RPH3A: variants seen among roughly 807,000 people sequenced by gnomAD.
RPH3A encodes rabphilin-3A.
In RPH3A, 48 loss-of-function variants were observed where a neutral mutation model predicts 102.2. The observed-to-expected ratio is 0.47, with a 90% CI of 0.37 to 0.60. The LOEUF is 0.60. RPH3A is among the 20% of genes least tolerant of loss of function. The pLI is 0.00. For synonymous variants in RPH3A, 310 were observed against 324.3 expected (o/e 0.96, Z 0.47); for missense variants, 781 against 910.1 (o/e 0.86, Z 1.83).
intron 1 of RPH3A, among the ~76,000 whole-genome samples, chr12:112,632,156 C>A (rs1339000909): frequency 6.6e-6 from 1 of 152,122 alleles, no homozygotes; most frequent in Non-Finnish European, 1.5e-5. Context: ...TGCTGCCATC[C>A]ATGTAAGACG....
chr12:112,876,611 C>CT, intron 12 of RPH3A, 31 bp from the exon 13 acceptor site: 1 of 1,477,816 alleles, frequency 6.8e-7, no homozygotes, highest in South Asian at 1.3e-5. Context: ...AGGGATGCAG[C>CT]TGCATGTTTC....
intron 1 of RPH3A, among the ~76,000 whole-genome samples, chr12:112,760,129 C>G (rs1484268718): frequency 1.3e-5 from 2 of 152,186 alleles, no homozygotes; most frequent in African/African-American, 2.4e-5. Context: ...AGCCCCACAT[C>G]AGTTTCTAGA....
chr12:112,890,734 C>A, intron 18 of RPH3A, 115 bp from the exon 19 acceptor site: 1 of 1,182,342 alleles, frequency 8.5e-7, no homozygotes, highest in Non-Finnish European at 1.2e-6. Context: ...GGTACTGGCT[C>A]CCTAGAGCTG....
Position 112,580,394 on chromosome 12 carries a change from C to CTTT in RPH3A, c.-140+5098_-140+5100dup, listed in dbSNP as rs773931202. 0.062 allele frequency among the ~76,000 whole-genome samples: 4,751 copies of CTTT among 76,920 alleles called. 839 individuals are homozygous for CTTT. The East Asian group carries it at 0.67, about 11-fold the overall frequency. The allele number at this position is 76,920 out of a possible 152,430, so 50.5% of individuals were successfully genotyped here. A position where few individuals can be genotyped will look rare whatever the true frequency, so the allele number is the denominator to read the frequency against. On this transcript the variant is annotated intron_variant, in intron 1 of 21. Transcript: ENST00000543106. ...GACTTAGCAGACACTTTTGTCTTGT[C>CTTT]TTTTTTTTTTTTTTTTTTTTTTTTT... is the stretch of plus-strand genomic sequence containing the variant.
intron 1 of RPH3A, among the ~76,000 whole-genome samples, chr12:112,673,481 C>G (rs1232329830): frequency 6.6e-6 from 1 of 151,870 alleles, no homozygotes; most frequent in East Asian, 1.9e-4. Context: ...CAGGTGCATG[C>G]CACCATCCCT....
chr12:112,735,735 A>G lies in RPH3A; in HGVS notation c.-139-56408A>G, dbSNP rs114274079. On this transcript the variant is annotated intron_variant, in intron 1 of 21. Coordinates refer to the RPH3A transcript ENST00000543106. ...AGCAGCCTGGCTTCATGGTGTCCTG[A>G]CCTTGGTCTTCCCCACCTCCCCCCA... Among the ~76,000 whole-genome samples the G allele has an allele frequency of 6.6e-3, 1,009 of 152,108 alleles. 13 individuals are homozygous for G. The highest frequency in any genetic ancestry group is 0.023 in the African/African-American group (970 of 41,494).
chr12:112,875,020 G>A, intron 10 of RPH3A, 64 bp from the exon 11 acceptor site: 1 of 1,417,036 alleles, frequency 7.1e-7, no homozygotes, highest in Non-Finnish European at 9.7e-7. Flanking sequence ...GTGGTCCCAA[G>A]CTCCTTCCTG....
intron 1 of RPH3A, among the ~76,000 whole-genome samples, chr12:112,659,053 TTG>T (rs1471928378): frequency 6.6e-6 from 1 of 152,202 alleles, no homozygotes; most frequent in Non-Finnish European, 1.5e-5. Context: ...TACAGAAAAG[TTG>T]TGAGTACAGC....
chr12:112,723,074 C>T (rs1485261114), intron 1 of RPH3A, among the ~76,000 whole-genome samples: 1 of 152,106 alleles, frequency 6.6e-6, no homozygotes, highest in African/African-American at 2.4e-5. Context: ...CGAAATTGTT[C>T]ATCTATCTCA....
At chr12:112,795,620 T>C (rs1337224555) in intron 2 of RPH3A, among the ~76,000 whole-genome samples, 1 of 152,206 alleles carries the variant, frequency 6.6e-6, no homozygotes, top group African/African-American at 2.4e-5. Flanking sequence ...GACAAGGCCC[T>C]TAATCTCTCT....
chr12:112,687,326 G>T (rs1041091526), intron 1 of RPH3A, among the ~76,000 whole-genome samples: 6 of 152,112 alleles, frequency 3.9e-5, no homozygotes, highest in Admixed American at 2.0e-4. Context: ...TTACCTTCGT[G>T]CTTGTCCCTT....
chr12:112,641,483 G>A (rs1161945359), intron 1 of RPH3A, among the ~76,000 whole-genome samples: 3 of 152,134 alleles, frequency 2.0e-5, no homozygotes, highest in Non-Finnish European at 2.9e-5. Context: ...TGCAACCTCC[G>A]CCTCCCAGGT....
chr12:112,871,742 A>G (rs1022571404), intron 10 of RPH3A, among the ~76,000 whole-genome samples: 4 of 149,786 alleles, frequency 2.7e-5, no homozygotes, highest in African/African-American at 9.7e-5. Flanking sequence ...GTACATATAT[A>G]TACAATAGAA....
intron 1 of RPH3A, among the ~76,000 whole-genome samples, chr12:112,677,239 G>T (rs1223227062): frequency 1.3e-5 from 2 of 152,086 alleles, no homozygotes; most frequent in Admixed American, 6.6e-5. Flanking sequence ...TCTCATCAAG[G>T]GTAATGGTGA....
At chr12:112,778,661 A>C (rs1727832205) in intron 1 of RPH3A, among the ~76,000 whole-genome samples, 1 of 152,200 alleles carries the variant, frequency 6.6e-6, no homozygotes, top group Non-Finnish European at 1.5e-5. Context: ...TCAGTTTCTT[A>C]CATTGCTCTC....
intron 1 of RPH3A, among the ~76,000 whole-genome samples, chr12:112,756,518 A>AT (rs999238341): frequency 6.6e-5 from 10 of 152,108 alleles, no homozygotes; most frequent in African/African-American, 2.4e-4. Context: ...TAAAATTAAA[A>AT]TTTTTTTACC....
chr12:112,859,396 A>C (rs1345746268), intron 5 of RPH3A, among the ~76,000 whole-genome samples: 1 of 152,204 alleles, frequency 6.6e-6, no homozygotes, highest in Non-Finnish European at 1.5e-5. Context: ...AAAATAATAC[A>C]TGTTCATTTT....
At chr12:112,790,876 G>T (rs764006975), upstream of RPH3A, among the ~76,000 whole-genome samples, 2 of 152,110 alleles carry the variant, frequency 1.3e-5, no homozygotes, top group African/African-American at 2.4e-5. Flanking sequence ...TTATCACTCT[G>T]TCCAAACATT....
intron 1 of RPH3A, among the ~76,000 whole-genome samples, chr12:112,736,887 G>A (rs1014807355): frequency 6.6e-6 from 1 of 152,124 alleles, no homozygotes; most frequent in Non-Finnish European, 1.5e-5. Context: ...GGGCACAGTG[G>A]CTCATGCCTG....
Sources: gnomAD v4.1 joint callset for allele counts (sites outside exome capture counted in the v4.1 genomes callset) on GRCh38, gnomAD v4.1.1 for gene constraint, MANE v1.5 for transcripts, NCBI Gene and HGNC (gene_info 2026-07-23, HGNC 2026-07-21) for gene names.